KIF5B: variants seen among roughly 807,000 people sequenced by gnomAD.
KIF5B encodes the protein kinesin family member 5B, also known as kinesin-1 heavy chain.
KIF5B carries 49 observed loss-of-function variants against 132.8 expected under a neutral mutation model. The observed-to-expected ratio is 0.37, with a 90% CI of 0.29 to 0.47. The LOEUF is 0.47. Among genes scored for constraint, KIF5B ranks in the 20% least tolerant of loss-of-function variants. KIF5B has a pLI of 1.00. For synonymous variants in KIF5B, 355 were observed against 369.4 expected, an observed-to-expected ratio of 0.96 and a Z score of 0.45; for missense variants, 780 against 1,144.0, an observed-to-expected ratio of 0.68 and a Z score of 4.59.
Position 32,055,849 on chromosome 10 carries a change from G to T in KIF5B, c.125C>A (p.Ala42Glu). ...KFQGEDTVVI[A>E]SKPYAFDRVF... is the part of the protein sequence containing the mutation. ...GGGATGCCGGCGGGGGTCACTCACCGCGATCACGACCGTGTCTTCTCCCTG... is the reference window on the plus strand; with the variant it reads ...GGGATGCCGGCGGGGGTCACTCACCTCGATCACGACCGTGTCTTCTCCCTG... Residue 42 changes from alanine (A) to glutamate (E), a missense_variant and splice_region_variant, in exon 1 of 26, where the codon GCG (alanine) becomes GAG (glutamate). Ala to Glu is a moderately radical substitution (Grantham distance 107). Transcript: ENST00000302418. 6.2e-7 allele frequency: 1 copy of T among 1,611,618 alleles called. No individual in the cohort carries two copies. Among genetic ancestry groups the T allele is most frequent in the Non-Finnish European group, 8.5e-7 (1 of 1,179,476 alleles).
chr10:32,052,258 T>C (rs1841703186), intron 1 of KIF5B, among the ~76,000 whole-genome samples: 4 of 152,204 alleles, frequency 2.6e-5, no homozygotes, highest in Admixed American at 1.3e-4. Context: ...TTAAACACTA[T>C]AGTGGGCTAA....
chr10:32,042,351 T>C (rs1841553462), intron 2 of KIF5B, among the ~76,000 whole-genome samples: 1 of 152,244 alleles, frequency 6.6e-6, no homozygotes, highest in Non-Finnish European at 1.5e-5. Context: ...CAAAATCTTT[T>C]TATTTTTGAG....
rs542964802 is a variant in KIF5B, at chr10:32,055,785, T to A, written c.126+63A>T. On this transcript the variant is annotated intron_variant, in intron 1 of 25. Transcript: ENST00000302418. ...TCAATTCTGCACCCTGCCACTTCCC[T>A]AAACTCCCCGCACAGGCCGGCCCGA... is the stretch of plus-strand genomic sequence containing the variant. The A allele has an allele frequency of 2.4e-5, 38 of 1,589,454 alleles. No homozygotes were observed. In the East Asian group the frequency reaches 7.7e-4, roughly 32 times the overall value.
intron 19 of KIF5B, among the ~76,000 whole-genome samples, chr10:32,020,754 A>G (rs1253169022): frequency 1.3e-5 from 2 of 152,070 alleles, no homozygotes; most frequent in East Asian, 3.9e-4. Context: ...GAAACTAAAT[A>G]AAGGATTTGG....
Position 32,033,883 on chromosome 10 carries a change from C to T in KIF5B, c.1267G>A (p.Glu423Lys), listed in dbSNP as rs1351815733. Residue 423 changes from glutamate to lysine, a missense_variant, in exon 12 of 26, where the codon GAA (glutamate) becomes AAA (lysine). Around this residue, in one of 9 missense-constraint regions of KIF5B, gnomAD observed 471 missense variants for 569.9 expected, o/e 0.83. Transcript: ENST00000302418. ...TGTTTGTATAATTTAGCAATTTCTTCTTCACACTTTCTTCTTTCAGCATCA... is the reference window on the plus strand; with the variant it reads ...TGTTTGTATAATTTAGCAATTTCTTTTTCACACTTTCTTCTTTCAGCATCA... ...FTDAERRKCE[E>K]EIAKLYKQLD... 1 of 1,613,020 alleles carries T rather than the reference C, an allele frequency of 6.2e-7. No individual in the cohort carries two copies. The highest frequency in any genetic ancestry group is 8.5e-7 in the Non-Finnish European group (1 of 1,179,648).
At chr10:32,012,843 G>A (rs552464929) in intron 25 of KIF5B, among the ~76,000 whole-genome samples, 3 of 151,858 alleles carry the variant, frequency 2.0e-5, no homozygotes. Flanking sequence ...CAGAAAGGTA[G>A]GAAAAGGCTT....
At chr10:32,042,780 A>G (rs1841559727) in intron 2 of KIF5B, among the ~76,000 whole-genome samples, 1 of 152,214 alleles carries the variant, frequency 6.6e-6, no homozygotes, top group African/African-American at 2.4e-5. Context: ...AGGTAGTGAG[A>G]TAACAGCACA....
At chr10:32,049,156 T>C (rs565819935) in intron 1 of KIF5B, among the ~76,000 whole-genome samples, 1 of 152,338 alleles carries the variant, frequency 6.6e-6, no homozygotes, top group East Asian at 1.9e-4. Flanking sequence ...CATTCTTTCA[T>C]TTAACAAATA....
chr10:32,055,712 G>T, intron 1 of KIF5B, 136 bp downstream of exon 1: 1 of 1,234,352 alleles, frequency 8.1e-7, no homozygotes, highest in Non-Finnish European at 1.1e-6. Flanking sequence ...TGGGTTATCT[G>T]AACCGGCAAA....
chr10:32,024,802 C>T (rs1008756784), intron 15 of KIF5B, among the ~76,000 whole-genome samples: 2 of 149,738 alleles, frequency 1.3e-5, no homozygotes, highest in South Asian at 2.1e-4. Flanking sequence ...CAGGGCCAGG[C>T]GCAGTGGCTC....
intron 2 of KIF5B, among the ~76,000 whole-genome samples, chr10:32,041,134 AGACTC>A (rs1841531807): frequency 2.8e-5 from 4 of 142,378 alleles, no homozygotes; most frequent in Non-Finnish European, 4.5e-5. Flanking sequence ...TGACACAGTG[AGACTC>A]TGTCTCAAAA....
At chr10:32,030,173 TG>T (rs1841384191) in intron 14 of KIF5B, among the ~76,000 whole-genome samples, 1 of 152,186 alleles carries the variant, frequency 6.6e-6, no homozygotes, top group African/African-American at 2.4e-5. Flanking sequence ...CTGTCATCAT[TG>T]TTGGAGGTTG....
At chr10:32,055,538 AC>A (rs1841744277) in intron 1 of KIF5B, among the ~76,000 whole-genome samples, 1 of 152,036 alleles carries the variant, frequency 6.6e-6, no homozygotes, top group African/African-American at 2.4e-5. Context: ...ACACACACAC[AC>A]ACGCAGACAA....
chr10:32,039,397 A>G lies in KIF5B; in HGVS notation c.323T>C (p.Ile108Thr). The G allele has an allele frequency of 6.5e-7, 1 of 1,529,434 alleles. No individual in the cohort carries two copies. The allele number at this position is 1,529,434 out of a possible 1,614,324, so 94.7% of individuals were successfully genotyped here. A position where few individuals can be genotyped will look rare whatever the true frequency, so the allele number is the denominator to read the frequency against. The change falls in exon 4 of 26, where the codon ATT becomes ACT. Residue 108 changes from isoleucine to threonine, a missense_variant. This residue lies in a region of KIF5B where 76 missense variants were observed against 146.4 expected (regional missense o/e 0.52). Coordinates refer to ENST00000302418, the MANE Select transcript of KIF5B (RefSeq NM_004521.3). ...KLHDPEGMGI[I>T]PRIVQDIFNY... ...AAAAATATCTTGCACTATTCTTGGA[A>G]TAATTCCCATGCCTTCTGGATCATG...
At chr10:32,052,908 T>C (rs1350604496) in intron 1 of KIF5B, among the ~76,000 whole-genome samples, 1 of 152,198 alleles carries the variant, frequency 6.6e-6, no homozygotes, top group African/African-American at 2.4e-5. Flanking sequence ...AAATCACTGA[T>C]TACATGAGTA....
In KIF5B at chr10:32,034,972, G is replaced by A. The variant is rs542207815; in HGVS notation, c.963-134C>T. ...TCTCTTAGACTAAATACTAAAAGCC[G>A]CAACATATGACGTTATTTACAACTC... On this transcript the variant is annotated intron_variant, in intron 10 of 25. Coordinates refer to ENST00000302418, the MANE Select transcript of KIF5B (RefSeq NM_004521.3). 3.9e-5 allele frequency: 22 copies of A among 565,760 alleles called. No individual in the cohort carries two copies. In the East Asian group the frequency reaches 6.6e-4, roughly 17 times the overall value. The allele number at this position is 565,760 out of a possible 1,614,324, so 35.0% of individuals were successfully genotyped here.
intron 1 of KIF5B, among the ~76,000 whole-genome samples, chr10:32,052,685 T>C (rs928164411): frequency 6.6e-6 from 1 of 152,238 alleles, no homozygotes. Flanking sequence ...ACTGTTTCCC[T>C]GTCCTCCTTG....
intron 1 of KIF5B, among the ~76,000 whole-genome samples, chr10:32,054,072 T>C (rs972418311): frequency 2.6e-5 from 4 of 152,226 alleles, no homozygotes; most frequent in African/African-American, 9.6e-5. Flanking sequence ...AAAAGAATCA[T>C]AGTGATAACT....
At chr10:32,052,234 T>C (rs1841702683) in intron 1 of KIF5B, among the ~76,000 whole-genome samples, 1 of 152,194 alleles carries the variant, frequency 6.6e-6, no homozygotes, top group African/African-American at 2.4e-5. Flanking sequence ...TGTATTATAT[T>C]AGATTTTCCT....
Sources: gnomAD v4.1 joint callset for allele counts (sites outside exome capture counted in the v4.1 genomes callset) on GRCh38, gnomAD v4.1.1 for gene constraint, gnomAD v4.1.1 regional missense constraint, MANE v1.5 for transcripts, NCBI Gene and HGNC (gene_info 2026-07-23, HGNC 2026-07-21) for gene names.